MAP2K6: variants seen among roughly 807,000 people sequenced by gnomAD.
The protein encoded by MAP2K6 is dual specificity mitogen-activated protein kinase kinase 6.
Under a neutral mutation model 53.7 loss-of-function variants are expected in MAP2K6, and 16 were observed. The observed-to-expected ratio is 0.30, with a 90% CI of 0.20 to 0.45. The LOEUF is 0.45. Among genes scored for constraint, MAP2K6 ranks in the 20% least tolerant of loss-of-function variants. The pLI, the probability that MAP2K6 is intolerant of heterozygous loss-of-function variation, is 1.00. For synonymous variants in MAP2K6, 132 were observed against 143.1 expected (o/e 0.92, Z 0.55); for missense variants, 204 against 411.9 (o/e 0.50, Z 4.37).
chr17:69,533,611 A>G (rs1374611459), intron 10 of MAP2K6, among the ~76,000 whole-genome samples: 1 of 152,112 alleles, frequency 6.6e-6, no homozygotes, highest in African/African-American at 2.4e-5. Context: ...GTGTGGATTT[A>G]ATGTTGTGCT....
intron 8 of MAP2K6, among the ~76,000 whole-genome samples, 176 bp downstream of exon 8, chr17:69,523,817 G>C (rs2521356): frequency 4.6e-5 from 7 of 151,984 alleles, no homozygotes; most frequent in African/African-American, 2.4e-5. Context: ...CACTTGCTTC[G>C]TATATTGTCT....
At position 69,414,887 on chromosome 17, in the gene MAP2K6, C is replaced by T; in HGVS notation, c.-98C>T. 1 of 1,106,378 alleles carries T rather than the reference C, an allele frequency of 9.0e-7. No homozygotes were observed. 68.5% of individuals were successfully genotyped at this position (1,106,378 alleles called of 1,614,324 possible). A position where few individuals can be genotyped will look rare whatever the true frequency, so the allele number is the denominator to read the frequency against. On this transcript the variant is annotated 5_prime_UTR_variant, in exon 1 of 12. Coordinates refer to ENST00000590474, the MANE Select transcript of MAP2K6 (RefSeq NM_002758.4). ...AGAAACTCCACTTGCATGAAGATTG[C>T]ACGCCTGCAGCTTGCATCTTTGTTG...
At chr17:69,472,742 G>A (rs561750599) in intron 1 of MAP2K6, among the ~76,000 whole-genome samples, 8 of 152,154 alleles carry the variant, frequency 5.3e-5, no homozygotes, top group South Asian at 2.1e-4. Flanking sequence ...TCTATTGCTC[G>A]GGCTGGGGTA....
intron 1 of MAP2K6, among the ~76,000 whole-genome samples, chr17:69,441,376 T>C (rs150120815): frequency 8.3e-4 from 127 of 152,348 alleles, no homozygotes; most frequent in African/African-American, 2.9e-3. Context: ...TCTTCAAATT[T>C]ATTGATTCTC....
chr17:69,415,158 C>G (rs1005230619), intron 1 of MAP2K6, among the ~76,000 whole-genome samples, 158 bp downstream of exon 1: 5 of 152,006 alleles, frequency 3.3e-5, no homozygotes, highest in Non-Finnish European at 4.4e-5. Flanking sequence ...TTTTTGCAGA[C>G]ACAGAGAGTT....
intron 1 of MAP2K6, among the ~76,000 whole-genome samples, chr17:69,501,014 G>A (rs1397289749): frequency 6.6e-6 from 1 of 152,114 alleles, no homozygotes; most frequent in African/African-American, 2.4e-5. Context: ...AACACTGAAT[G>A]ATACTTCACT....
chr17:69,439,188 G>T (rs1241585414), intron 1 of MAP2K6, among the ~76,000 whole-genome samples: 25 of 152,164 alleles, frequency 1.6e-4, no homozygotes, highest in Admixed American at 1.6e-3. Flanking sequence ...AATGTTCTGA[G>T]AATTGCAGAG....
At position 69,527,264 on chromosome 17, in the gene MAP2K6, G is replaced by A. The variant is rs61759601; in HGVS notation, c.881+555G>A. ...TCGGTGAGAAGATAGTGGGTAGTTTGAGAGTGTTTCTTAGGTCCCCAGAAG... is the reference window on the plus strand; with the variant it reads ...TCGGTGAGAAGATAGTGGGTAGTTTAAGAGTGTTTCTTAGGTCCCCAGAAG... On this transcript the variant is annotated intron_variant, in intron 10 of 11. Transcript: ENST00000590474. 9.4e-4 allele frequency among the ~76,000 whole-genome samples: 143 copies of A among 152,324 alleles called. 2 individuals carry two copies. In the Middle Eastern group the frequency reaches 0.024, roughly 25 times the overall value.
At chr17:69,491,816 TTG>T (rs1361127790) in intron 1 of MAP2K6, among the ~76,000 whole-genome samples, 8 of 151,602 alleles carry the variant, frequency 5.3e-5, no homozygotes, top group South Asian at 2.1e-4. Context: ...TGGTTTTGAT[TTG>T]ATTCAGACTG....
At position 69,520,632 on chromosome 17, in the gene MAP2K6, G is replaced by A. The variant is rs1050366827; in HGVS notation, c.483+246G>A. ...TCTAAGTGCTGCATTCATCAGCTATGACCACATTCCTGGTGTCTATATTCT... is the reference window on the plus strand; with the variant it reads ...TCTAAGTGCTGCATTCATCAGCTATAACCACATTCCTGGTGTCTATATTCT... On this transcript the variant is annotated intron_variant, in intron 6 of 11. Transcript: ENST00000590474. 3.7e-5 allele frequency: 17 copies of A among 463,382 alleles called. No homozygotes were observed. In the Middle Eastern group the frequency reaches 1.6e-3, roughly 45 times the overall value. The allele number at this position is 463,382 out of a possible 1,614,324, so 28.7% of individuals were successfully genotyped here.
chr17:69,523,737 T>G, intron 8 of MAP2K6, 96 bp downstream of exon 8: 7 of 1,437,356 alleles, frequency 4.9e-6, no homozygotes, highest in Non-Finnish European at 6.8e-6. Context: ...AAAATGGAAA[T>G]GTACCTAAGA....
At chr17:69,522,583 T>C (rs576675413) in intron 7 of MAP2K6, among the ~76,000 whole-genome samples, 11 of 152,126 alleles carry the variant, frequency 7.2e-5, no homozygotes, top group Non-Finnish European at 1.5e-4. Flanking sequence ...TAATCGTAGT[T>C]CCATTTTTTG....
At chr17:69,534,051 C>T (rs961196241) in intron 10 of MAP2K6, among the ~76,000 whole-genome samples, 8 of 152,094 alleles carry the variant, frequency 5.3e-5, no homozygotes, top group Admixed American at 3.3e-4. Flanking sequence ...CTTTGTTGTG[C>T]GGGATTGCCC....
intron 1 of MAP2K6, among the ~76,000 whole-genome samples, chr17:69,446,740 A>G (rs1906976981): frequency 6.6e-6 from 1 of 151,516 alleles, no homozygotes; most frequent in South Asian, 2.1e-4. Context: ...TCATTTGAGT[A>G]CCCCCCACAG....
rs1427706545 is a variant in MAP2K6, at chr17:69,552,311, TCTTTCAAAACCCACCTCCAGCA to T, written c.*10562_*10583del. The T allele has an allele frequency of 1.4e-4, 22 of 152,360 alleles. No individual in the cohort carries two copies. Among genetic ancestry groups the T allele is most frequent in the African/African-American group, 5.3e-4 (22 of 41,592 alleles). 9.4% of individuals were successfully genotyped at this position (152,360 alleles called of 1,614,324 possible). A position where few individuals can be genotyped will look rare whatever the true frequency, so the allele number is the denominator to read the frequency against. On this transcript the variant is annotated 3_prime_UTR_variant, in exon 12 of 12. Coordinates refer to ENST00000590474, the MANE Select transcript of MAP2K6 (RefSeq NM_002758.4). ...ATCGGAGAGGTCCTATGCACCCCTG[TCTTTCAAAACCCACCTCCAGCA>T]CTTCAAAGTAGTGTCTCTGGAGAGT...
chr17:69,521,357 G>A (rs1295565032), intron 7 of MAP2K6: 3 of 381,408 alleles, frequency 7.9e-6, no homozygotes, highest in Non-Finnish European at 1.4e-5. Context: ...GCAGAGCTAT[G>A]AGATCATATC....
At chr17:69,504,926 A>C (rs574640978) in intron 1 of MAP2K6, among the ~76,000 whole-genome samples, 1 of 152,284 alleles carries the variant, frequency 6.6e-6, no homozygotes, top group African/African-American at 2.4e-5. Flanking sequence ...AAGTTTTTCA[A>C]ATTACAGCAG....
chr17:69,503,657 T>C (rs1336433725), intron 1 of MAP2K6, among the ~76,000 whole-genome samples: 1 of 152,198 alleles, frequency 6.6e-6, no homozygotes, highest in Non-Finnish European at 1.5e-5. Context: ...AAAATTTCAT[T>C]ATACATTATA....
At chr17:69,428,097 C>A (rs780287373) in intron 1 of MAP2K6, among the ~76,000 whole-genome samples, 2 of 152,172 alleles carry the variant, frequency 1.3e-5, no homozygotes, top group Non-Finnish European at 2.9e-5. Context: ...TAGACTGATA[C>A]AAAAATGAAC....
Sources: allele counts gnomAD v4.1 joint callset (sites outside exome capture counted in the v4.1 genomes callset), GRCh38; gene constraint gnomAD v4.1.1; transcripts MANE v1.5; gene names NCBI Gene and HGNC (gene_info 2026-07-23, HGNC 2026-07-21).